The following HSPA12A variants were observed in gnomAD, a reference collection of about 807,000 sequenced individuals.
HSPA12A encodes the protein heat shock 70 kDa protein 12A.
A neutral mutation model predicts 69.2 loss-of-function variants in HSPA12A; 28 were observed. The ratio of observed to expected loss-of-function variants is 0.40; its 90% CI spans 0.30 to 0.55. HSPA12A has a LOEUF of 0.55. HSPA12A is among the 20% of genes least tolerant of loss of function. The probability of loss-of-function intolerance (pLI) is 0.38; values close to 1 mark genes in which losing one functional copy is unlikely to be tolerated. For synonymous variants in HSPA12A, 345 were observed against 370.5 expected, an observed-to-expected ratio of 0.93 and a Z score of 0.79; for missense variants, 686 against 900.7, an observed-to-expected ratio of 0.76 and a Z score of 3.05.
At chr10:116,719,934 C>A (rs1360437505) in intron 1 of HSPA12A, among the ~76,000 whole-genome samples, 2 of 152,166 alleles carry the variant, frequency 1.3e-5, no homozygotes, top group Non-Finnish European at 2.9e-5. Context: ...GTACTGCTGG[C>A]AGCTTGCAGC....
chr10:116,771,354 C>A (rs541568897), intron 2 of HSPA12A, among the ~76,000 whole-genome samples: 2 of 152,128 alleles, frequency 1.3e-5, no homozygotes, highest in Non-Finnish European at 2.9e-5. Context: ...GGGGCCCTGA[C>A]GAGATACTGG....
intron 2 of HSPA12A, among the ~76,000 whole-genome samples, chr10:116,810,109 T>C (rs1845146923): frequency 6.6e-6 from 1 of 152,182 alleles, no homozygotes; most frequent in Non-Finnish European, 1.5e-5. Flanking sequence ...CTCCAAGCCA[T>C]GGGGGGTGCT....
chr10:116,846,321 TTTTTC>T (rs1413546943), intron 1 of HSPA12A, among the ~76,000 whole-genome samples: 1 of 151,596 alleles, frequency 6.6e-6, no homozygotes, highest in Non-Finnish European at 1.5e-5. Context: ...GTTAATGTAA[TTTTTC>T]TTTTCTTTTT....
chr10:116,677,073 C>T (rs1413371871), intron 10 of HSPA12A, among the ~76,000 whole-genome samples: 1 of 152,128 alleles, frequency 6.6e-6, no homozygotes, highest in African/African-American at 2.4e-5. Context: ...CACTGCGGAG[C>T]TCTGGGACTT....
At chr10:116,734,864 C>T (rs1554886291) in intron 1 of HSPA12A, among the ~76,000 whole-genome samples, 1 of 151,762 alleles carries the variant, frequency 6.6e-6, no homozygotes, top group African/African-American at 2.4e-5. Context: ...TGGTGGTGGG[C>T]GAGTGTAGTC....
In HSPA12A at chr10:116,732,328, CAAAGAAAGAAAG is replaced by C. The variant is rs3034012; in HGVS notation, c.40+10090_40+10101del. ...CTGGGTGACTCCGTCTCAAAAAAAA[CAAAGAAAGAAAG>C]AAAGAAAGAAAGAGACAGAGGGAAA... On this transcript the variant is annotated intron_variant, in intron 1 of 11. Coordinates refer to ENST00000369209, the MANE Select transcript of HSPA12A (RefSeq NM_025015.3). 7.4e-4 allele frequency among the ~76,000 whole-genome samples: 92 copies of C among 124,180 alleles called. 4 individuals are homozygous for C. Among genetic ancestry groups the C allele is most frequent in the African/African-American group, 2.4e-3 (89 of 36,786 alleles). The allele number at this position is 124,180 out of a possible 152,430, so 81.5% of individuals were successfully genotyped here. A position where few individuals can be genotyped will look rare whatever the true frequency, so the allele number is the denominator to read the frequency against.
intron 2 of HSPA12A, among the ~76,000 whole-genome samples, chr10:116,754,305 T>C (rs1460031905): frequency 5.9e-5 from 9 of 152,164 alleles, no homozygotes; most frequent in African/African-American, 1.9e-4. Flanking sequence ...AAGATCTGGA[T>C]AAAGGTAAAA....
intron 1 of HSPA12A, chr10:116,849,429 G>T (rs1246463977): frequency 1.1e-5 from 14 of 1,228,566 alleles, no homozygotes; most frequent in Non-Finnish European, 1.5e-5. Flanking sequence ...AAAAGGGAAC[G>T]ACTTTTACCG....
At chr10:116,694,315 T>A (rs1849818852) in intron 5 of HSPA12A, among the ~76,000 whole-genome samples, 1 of 152,160 alleles carries the variant, frequency 6.6e-6, no homozygotes, top group Admixed American at 6.5e-5. Flanking sequence ...AAGCAAGCCA[T>A]AACCCCCTCC....
intron 2 of HSPA12A, among the ~76,000 whole-genome samples, chr10:116,772,790 G>A (rs1844241978): frequency 6.6e-6 from 1 of 151,956 alleles, no homozygotes; most frequent in Non-Finnish European, 1.5e-5. Context: ...AACCTCCTGG[G>A]CTCAAGCGAT....
At chr10:116,681,685 C>A in intron 8 of HSPA12A, 106 bp downstream of exon 8, 1 of 950,840 alleles carries the variant, frequency 1.1e-6, no homozygotes, top group South Asian at 1.5e-5. Context: ...TTAGAACCCA[C>A]TGAGTTTGAA....
intron 2 of HSPA12A, among the ~76,000 whole-genome samples, chr10:116,815,261 A>C (rs922845586): frequency 1.3e-5 from 2 of 151,090 alleles, no homozygotes; most frequent in African/African-American, 4.9e-5. Context: ...AAAAAAAAAA[A>C]AAAAAAAAAA....
At chr10:116,809,515 C>T (rs374764863) in intron 2 of HSPA12A, among the ~76,000 whole-genome samples, 27 of 152,320 alleles carry the variant, frequency 1.8e-4, no homozygotes, top group African/African-American at 3.1e-4. Flanking sequence ...GAGGATTCCA[C>T]GGGAGAGCCC....
chr10:116,713,583 C>T (rs1308587538), intron 1 of HSPA12A, among the ~76,000 whole-genome samples: 2 of 152,082 alleles, frequency 1.3e-5, no homozygotes, highest in East Asian at 1.9e-4. Context: ...GCAGGGAGAG[C>T]GAACTGGGGC....
chr10:116,716,891 CA>C, intron 1 of HSPA12A, among the ~76,000 whole-genome samples: 1 of 152,306 alleles, frequency 6.6e-6, no homozygotes, highest in South Asian at 2.1e-4. Flanking sequence ...CTCCACCCAC[CA>C]TTTTCCAAAT....
chr10:116,830,336 G>C (rs1438175388), intron 2 of HSPA12A: 4 of 152,152 alleles, frequency 2.6e-5, no homozygotes, highest in African/African-American at 7.2e-5. Flanking sequence ...TATTCCTCCA[G>C]ACTGCAACTG....
upstream of HSPA12A, among the ~76,000 whole-genome samples, chr10:116,744,024 C>G (rs1465825018): frequency 6.6e-6 from 1 of 152,158 alleles, no homozygotes; most frequent in Non-Finnish European, 1.5e-5. Flanking sequence ...ACTGATGGCC[C>G]CCGAGGGCCC....
chr10:116,820,372 C>T (rs1845389084), intron 2 of HSPA12A, among the ~76,000 whole-genome samples: 1 of 152,100 alleles, frequency 6.6e-6, no homozygotes, highest in South Asian at 2.1e-4. Flanking sequence ...GTGCAGGAGA[C>T]AGTCACTGTG....
chr10:116,839,681 A>C (rs963278741), intron 1 of HSPA12A, among the ~76,000 whole-genome samples: 6 of 151,394 alleles, frequency 4.0e-5, no homozygotes, highest in African/African-American at 1.5e-4. Flanking sequence ...ACAGGATGGC[A>C]TGACGTGTAT....
Sources: allele counts gnomAD v4.1 joint callset (sites outside exome capture counted in the v4.1 genomes callset), GRCh38; gene constraint gnomAD v4.1.1; transcripts MANE v1.5; gene names NCBI Gene and HGNC (gene_info 2026-07-23, HGNC 2026-07-21).